Variants in SPG11 observed in about 807,000 individuals in gnomAD.
SPG11 encodes spatacsin.
A neutral mutation model predicts 274.0 loss-of-function variants in SPG11; 222 were observed. The observed-to-expected ratio is 0.81, with a 90% confidence interval of 0.73 to 0.91. The LOEUF (loss-of-function observed/expected upper bound fraction) is 0.91. SPG11 is among the 40% of genes least tolerant of loss of function. The pLI, the probability that SPG11 is intolerant of heterozygous loss-of-function variation, is 0.00. For missense variants in SPG11, 3,114 were observed against 2,872.7 expected, an observed-to-expected ratio of 1.08 and a Z score of -1.92; for synonymous variants, 1,144 against 1,039.7, an observed-to-expected ratio of 1.10 and a Z score of -1.93.
At chr15:44,615,966 T>C (rs2141015867) in intron 15 of SPG11, among the ~76,000 whole-genome samples, 1 of 152,302 alleles carries the variant, frequency 6.6e-6, no homozygotes, top group Admixed American at 6.5e-5. Flanking sequence ...TAAATAGACC[T>C]ACTGAACAAG....
chr15:44,570,703 G>T, intron 33 of SPG11, 45 bp from the exon 34 acceptor site: 1 of 1,602,358 alleles, frequency 6.2e-7, no homozygotes, highest in Non-Finnish European at 8.5e-7. Flanking sequence ...AACCCTGGCT[G>T]CCCACTGTCA....
At position 44,615,584 on chromosome 15, in the gene SPG11, G is replaced by A; in HGVS notation, c.2835-18C>T. 5 of 1,612,232 alleles carry A rather than the reference G, an allele frequency of 3.1e-6. No individual in the cohort carries two copies. The highest frequency in any genetic ancestry group is 4.2e-6 in the Non-Finnish European group (5 of 1,178,758). On this transcript the variant is annotated intron_variant, in intron 15 of 39. Transcript: ENST00000261866. Reference sequence around the variant, plus strand: ...CCCCATTCCTATGGACAGATTTATAGGATGTCAAGTTAAAAAGTTGCTATG... The same window carrying A: ...CCCCATTCCTATGGACAGATTTATAAGATGTCAAGTTAAAAAGTTGCTATG...
At position 44,622,245 on chromosome 15, in the gene SPG11, T is replaced by G; in HGVS notation, c.2419A>C (p.Asn807His). 6.2e-7 allele frequency: 1 copy of G among 1,612,666 alleles called. No individual in the cohort carries two copies. The highest frequency in any genetic ancestry group is 8.5e-7 in the Non-Finnish European group (1 of 1,178,872). Residue 807 changes from asparagine (N) to histidine (H), a missense_variant, in exon 13 of 40, where the codon AAT becomes CAT. Transcript: ENST00000261866. ...EKLYLGHFQE[N>H]MQIQSFPRYW... ...CTGGGAAATGACTGGATTTGCATATTTTCTTGGAAATGTCCCAAATAAAGC... is the reference window on the plus strand; with the variant it reads ...CTGGGAAATGACTGGATTTGCATATGTTCTTGGAAATGTCCCAAATAAAGC...
Position 44,595,425 on chromosome 15 carries a change from A to C in SPG11, c.4469T>G (p.Ile1490Ser). 1 of 1,614,210 alleles carries C rather than the reference A, an allele frequency of 6.2e-7. No individual in the cohort carries two copies. The highest frequency in any genetic ancestry group is 1.3e-5 in the African/African-American group (1 of 75,066). Residue 1490 changes from isoleucine (I) to serine (S), a missense_variant, in exon 26 of 40, where the codon ATC becomes AGC. Coordinates refer to ENST00000261866, the MANE Select transcript of SPG11 (RefSeq NM_025137.4). Reference protein sequence around the residue: ...ASAISCLCVWIITSVEDNVAT... With the variant: ...ASAISCLCVWSITSVEDNVAT... The stretch of plus-strand genomic sequence containing the variant: ...AACATTGTCCTCCACAGAAGTGATG[A>C]TCCAAACACAGAGACAAGAAATGGC...
chr15:44,657,337 A>C (rs1303017704), intron 3 of SPG11, 41 bp from the exon 4 acceptor site: 13 of 1,573,298 alleles, frequency 8.3e-6, no homozygotes, highest in Admixed American at 3.3e-5. Context: ...TTTTGTAAGT[A>C]TGCCTAACTA....
chr15:44,648,578 T>C (rs1330223610), intron 7 of SPG11, among the ~76,000 whole-genome samples: 1 of 152,028 alleles, frequency 6.6e-6, no homozygotes, highest in African/African-American at 2.4e-5. Context: ...CTGTTCAAGC[T>C]TTCCATAGCT....
In SPG11 at chr15:44,569,657, A is replaced by G. The variant is rs1231813652; in HGVS notation, c.6478-152T>C. ...TACCATGCTTAGCTCCCTCCCATGT[A>G]CCCAACAGGGGGCCTCTGGAGGATT... On this transcript the variant is annotated intron_variant, in intron 34 of 39. Coordinates refer to ENST00000261866, the MANE Select transcript of SPG11 (RefSeq NM_025137.4). The G allele has an allele frequency of 1.0e-5, 7 of 694,132 alleles. No homozygotes were observed. In the East Asian group the frequency reaches 1.9e-4, roughly 19 times the overall value. 43.0% of individuals were successfully genotyped at this position (694,132 alleles called of 1,614,324 possible).
chr15:44,615,321 T>C (rs1292436427), intron 16 of SPG11, 42 bp downstream of exon 16: 3 of 1,584,422 alleles, frequency 1.9e-6, no homozygotes, highest in African/African-American at 2.7e-5. Flanking sequence ...AAAGAGAAAA[T>C]GTGAAGACCT....
In SPG11 at chr15:44,569,429, A is replaced by G. The variant is rs2140920863; in HGVS notation, c.6554T>C (p.Phe2185Ser). The change falls in exon 35 of 40, where the codon TTT (phenylalanine) becomes TCT (serine). Residue 2185 changes from phenylalanine to serine, a missense_variant. Physicochemically the swap from Phe to Ser is radical, Grantham distance 155. Transcript: ENST00000261866. ...IFDLLHKKHY[F>S]EVLMRKKLDP... Reference sequence around the variant, plus strand: ...CAACTTCTTCCTCATTAGCACTTCAAAGTAGTGCTTTTTATGCAGCAAATC... The same window carrying G: ...CAACTTCTTCCTCATTAGCACTTCAGAGTAGTGCTTTTTATGCAGCAAATC... The G allele has an allele frequency of 6.2e-7, 1 of 1,606,580 alleles. No individual in the cohort carries two copies. Among genetic ancestry groups the G allele is most frequent in the Non-Finnish European group, 8.5e-7 (1 of 1,175,878 alleles).
chr15:44,595,931 A>T, intron 25 of SPG11, 152 bp downstream of exon 25: 1 of 1,029,604 alleles, frequency 9.7e-7, no homozygotes, highest in East Asian at 2.6e-5. Context: ...AGCCTAAGCT[A>T]GAGAAGCACA....
At chr15:44,610,791 T>G in intron 18 of SPG11, 49 bp downstream of exon 18, 1 of 1,521,064 alleles carries the variant, frequency 6.6e-7, no homozygotes, top group Non-Finnish European at 9.1e-7. Context: ...TAGATAATTC[T>G]GCTAAATTTA....
At chr15:44,627,218 T>C (rs1415462351) in intron 10 of SPG11, among the ~76,000 whole-genome samples, 1 of 152,134 alleles carries the variant, frequency 6.6e-6, no homozygotes, top group Non-Finnish European at 1.5e-5. Context: ...GCTCAAGATA[T>C]TGAGGCATTA....
intron 18 of SPG11, among the ~76,000 whole-genome samples, chr15:44,610,317 G>A (rs2083428858): frequency 6.6e-6 from 1 of 151,744 alleles, no homozygotes; most frequent in South Asian, 2.1e-4. Flanking sequence ...CCTCTCAAAA[G>A]GGCTGGAATT....
At chr15:44,623,515 T>C (rs1352401794) in intron 11 of SPG11, among the ~76,000 whole-genome samples, 2 of 152,144 alleles carry the variant, frequency 1.3e-5, no homozygotes, top group Non-Finnish European at 2.9e-5. Context: ...CAGCTTAGTC[T>C]AGGAGCCCTA....
chr15:44,621,678 G>T, intron 14 of SPG11, 81 bp downstream of exon 14: 1 of 1,325,818 alleles, frequency 7.5e-7, no homozygotes, highest in Non-Finnish European at 1.1e-6. Flanking sequence ...CTAAAATTGA[G>T]ACACATCAAA....
chr15:44,600,723 T>C, intron 20 of SPG11, 91 bp from the exon 21 acceptor site: 2 of 1,384,352 alleles, frequency 1.4e-6, no homozygotes, highest in African/African-American at 1.4e-5. Context: ...ATAAAACTGG[T>C]TGCTGTAATT....
intron 8 of SPG11, 184 bp downstream of exon 8, chr15:44,633,321 T>A: frequency 4.8e-6 from 1 of 208,362 alleles, no homozygotes. Context: ...TGAGACTCTG[T>A]CTCAAAAAAA....
At chr15:44,603,875 G>A (rs145366260) in intron 20 of SPG11, among the ~76,000 whole-genome samples, 17 of 151,830 alleles carry the variant, frequency 1.1e-4, no homozygotes, top group African/African-American at 3.6e-4. Flanking sequence ...TTGTTCTATT[G>A]TTTTTCTTTT....
chr15:44,626,523 CG>C lies in SPG11; in HGVS notation c.2068-17del. 1 of 1,612,822 alleles carries C rather than the reference CG, an allele frequency of 6.2e-7. No homozygotes were observed. The highest frequency in any genetic ancestry group is 1.1e-5 in the South Asian group (1 of 90,950). On this transcript the variant is annotated splice_polypyrimidine_tract_variant and intron_variant, in intron 10 of 39. Transcript: ENST00000261866. ...CAATAACTTCCTAGGAAAAGAAAAA[CG>C]TTTGCCTTTTAAGTTCTTTTTCATT...
Sources: gnomAD v4.1 joint callset for allele counts (sites outside exome capture counted in the v4.1 genomes callset) on GRCh38, gnomAD v4.1.1 for gene constraint, MANE v1.5 for transcripts, NCBI Gene and HGNC (gene_info 2026-07-23, HGNC 2026-07-21) for gene names.